Variants in PRH1 observed in about 807,000 individuals in gnomAD.
The protein encoded by PRH1 is salivary acidic proline-rich phosphoprotein 1/2.
In PRH1, 7 loss-of-function variants were observed where a neutral mutation model predicts 7.9. The ratio of observed to expected loss-of-function variants is 0.89; its 90% CI spans 0.50 to 1.67. The LOEUF is 1.67. Ranked by LOEUF, PRH1 falls within the 40% of genes most tolerant of loss-of-function variation. The pLI is 0.00. For missense variants in PRH1, 109 were observed against 223.6 expected (o/e 0.49, Z 3.27); for synonymous variants, 45 against 80.8 (o/e 0.56, Z 2.38).
intron 1 of PRH1, among the ~76,000 whole-genome samples, chr12:11,132,244 T>C (rs1392666480): frequency 6.6e-6 from 1 of 152,282 alleles, no homozygotes; most frequent in Non-Finnish European, 1.5e-5. Context: ...AATCCCATAA[T>C]TAATACATAG....
At position 11,072,614 on chromosome 12, in the gene PRH1, C is replaced by G. The variant is rs542756924; in HGVS notation, n.124-25426G>C. 4.4e-4 allele frequency among the ~76,000 whole-genome samples: 67 copies of G among 152,282 alleles called. No individual in the cohort carries two copies. In the South Asian group the frequency reaches 0.014, roughly 31 times the overall value. On this transcript the variant is annotated intron_variant and non_coding_transcript_variant, in intron 1 of 4. Transcript: ENST00000541977. ...AGGGGATGGTAGTCTTTTTACATCCCTCTCCACTTAACCTAAATGGCCTCT... is the reference window on the plus strand; with the variant it reads ...AGGGGATGGTAGTCTTTTTACATCCGTCTCCACTTAACCTAAATGGCCTCT...
intron 2 of PRH1, among the ~76,000 whole-genome samples, chr12:10,900,242 T>C (rs2135807941): frequency 6.6e-6 from 1 of 152,192 alleles, no homozygotes; most frequent in South Asian, 2.1e-4. Flanking sequence ...AGCAACCCAG[T>C]GCTCAGAGGG....
chr12:10,952,443 C>T (rs1449736541), intron 2 of PRH1, among the ~76,000 whole-genome samples: 3 of 152,128 alleles, frequency 2.0e-5, no homozygotes, highest in African/African-American at 7.2e-5. Context: ...AAAAATATGC[C>T]TGGAAATGCC....
At chr12:10,885,611 G>T (rs1430637855), upstream of PRH1, among the ~76,000 whole-genome samples, 5 of 152,224 alleles carry the variant, frequency 3.3e-5, no homozygotes, top group Non-Finnish European at 7.3e-5. Flanking sequence ...TCAGAGTCCT[G>T]GTTTTGTCGC....
At chr12:11,171,566 C>A, upstream of PRH1, 6 of 1,232,044 alleles carry the variant, frequency 4.9e-6, no homozygotes, top group Non-Finnish European at 6.1e-6. Flanking sequence ...ATATTTAGAG[C>A]CATGACTAAG....
At chr12:10,941,160 T>C (rs1950393636) in intron 2 of PRH1, among the ~76,000 whole-genome samples, 1 of 152,082 alleles carries the variant, frequency 6.6e-6, no homozygotes, top group African/African-American at 2.4e-5. Flanking sequence ...GTGGGTTCTG[T>C]TGAGACTTCA....
intron 1 of PRH1, among the ~76,000 whole-genome samples, chr12:11,073,374 T>C (rs150776868): frequency 0.015 from 1,936 of 125,018 alleles, 75 homozygotes; most frequent in Middle Eastern, 0.047. Context: ...CCTCAAGTGA[T>C]CTGCCCACCT....
intron 2 of PRH1, among the ~76,000 whole-genome samples, chr12:10,962,503 A>G (rs987448453): frequency 6.6e-5 from 10 of 152,192 alleles, no homozygotes; most frequent in African/African-American, 2.2e-4. Context: ...TTCCCCTGCA[A>G]GTATGGAATA....
chr12:11,170,339 G>A (rs1947788038), intron 1 of PRH1, among the ~76,000 whole-genome samples: 1 of 152,178 alleles, frequency 6.6e-6, no homozygotes, highest in East Asian at 1.9e-4. Flanking sequence ...GAGGTCAGGA[G>A]ATCGAGACCA....
intron 1 of PRH1, among the ~76,000 whole-genome samples, chr12:11,114,209 T>C (rs1945668692): frequency 6.6e-6 from 1 of 152,210 alleles, no homozygotes; most frequent in Admixed American, 6.5e-5. Context: ...TGCACATGTA[T>C]GTTTATTGCA....
At chr12:10,965,113 T>C in intron 2 of PRH1, 1 of 1,366,102 alleles carries the variant, frequency 7.3e-7, no homozygotes, top group Non-Finnish European at 1.0e-6. Context: ...TAGTAATTCT[T>C]ACTCCTAAAC....
At chr12:11,062,966 T>C (rs1040516872) in intron 1 of PRH1, among the ~76,000 whole-genome samples, 2 of 151,858 alleles carry the variant, frequency 1.3e-5, no homozygotes, top group Non-Finnish European at 2.9e-5. Flanking sequence ...TGCACACCAC[T>C]CACGAATGGA....
chr12:10,983,576 C>G (rs896952443), intron 1 of PRH1, among the ~76,000 whole-genome samples: 7 of 152,222 alleles, frequency 4.6e-5, no homozygotes, highest in African/African-American at 1.7e-4. Context: ...CGCAGAACAG[C>G]AGAGATGGTA....
chr12:11,004,031 A>C (rs951234919), intron 1 of PRH1, among the ~76,000 whole-genome samples: 3 of 150,582 alleles, frequency 2.0e-5, no homozygotes, highest in African/African-American at 7.3e-5. Flanking sequence ...TATGAGTGCA[A>C]ATCCTGGGTC....
chr12:11,143,521 A>G (rs1438716777), intron 1 of PRH1, among the ~76,000 whole-genome samples: 1 of 152,204 alleles, frequency 6.6e-6, no homozygotes, highest in African/African-American at 2.4e-5. Flanking sequence ...ACCAATAATA[A>G]CATTGAATGT....
At chr12:10,930,843 A>G (rs1565479052) in intron 2 of PRH1, 2 of 1,613,588 alleles carry the variant, frequency 1.2e-6, no homozygotes, top group Admixed American at 3.3e-5. Context: ...CACAAGGACC[A>G]CCCCAACAGG....
At chr12:11,084,034 T>A (rs75581240) in intron 1 of PRH1, among the ~76,000 whole-genome samples, 14,946 of 67,290 alleles carry the variant, frequency 0.22, 1,677 homozygotes, top group Non-Finnish European at 0.31. Context: ...TTTTTGCAAA[T>A]CCTGCATTTA....
intron 1 of PRH1, among the ~76,000 whole-genome samples, chr12:11,111,558 T>G (rs756016219): frequency 3.9e-5 from 6 of 152,186 alleles, no homozygotes; most frequent in Non-Finnish European, 4.4e-5. Flanking sequence ...GACTACTGAG[T>G]AAATAACGAT....
intron 2 of PRH1, among the ~76,000 whole-genome samples, chr12:10,924,382 G>A (rs1313456190): frequency 2.6e-5 from 4 of 152,078 alleles, no homozygotes; most frequent in Non-Finnish European, 5.9e-5. Context: ...TTTTCCTCAC[G>A]ATTCTGTGAA....
Sources: allele counts gnomAD v4.1 joint callset (sites outside exome capture counted in the v4.1 genomes callset), GRCh38; gene constraint gnomAD v4.1.1; transcripts MANE v1.5; gene names NCBI Gene and HGNC (gene_info 2026-07-23, HGNC 2026-07-21).